RBKS: variants seen among roughly 807,000 people sequenced by gnomAD.
RBKS encodes the protein ribokinase.
A neutral mutation model predicts 33.9 loss-of-function variants in RBKS; 33 were observed. The ratio of observed to expected loss-of-function variants is 0.97; its 90% CI spans 0.74 to 1.30. RBKS has a LOEUF of 1.30. Ranked by LOEUF, RBKS falls within the 50% of genes most tolerant of loss-of-function variation. The pLI, the probability that RBKS is intolerant of heterozygous loss-of-function variation, is 0.00. For synonymous variants in RBKS, 125 were observed against 143.0 expected (o/e 0.87, Z 0.90); for missense variants, 361 against 392.6 (o/e 0.92, Z 0.68).
At chr2:27,868,149 A>G (rs1664135693) in intron 1 of RBKS, among the ~76,000 whole-genome samples, 1 of 152,230 alleles carries the variant, frequency 6.6e-6, no homozygotes, top group African/African-American at 2.4e-5. Flanking sequence ...TAAAGAAATA[A>G]AAACAGATTT....
At chr2:27,858,394 C>A in intron 2 of RBKS, 45 bp downstream of exon 2, 2 of 1,540,886 alleles carry the variant, frequency 1.3e-6, no homozygotes, top group South Asian at 1.2e-5. Flanking sequence ...GTCTTAAAAC[C>A]AGATTCTTAC....
At chr2:27,850,508 A>T (rs1290673315) in intron 2 of RBKS, among the ~76,000 whole-genome samples, 1 of 152,242 alleles carries the variant, frequency 6.6e-6, no homozygotes, top group African/African-American at 2.4e-5. Context: ...AGCCTCTGGC[A>T]ACCACTAATC....
At chr2:27,872,959 T>G (rs1489680583) in intron 1 of RBKS, among the ~76,000 whole-genome samples, 1 of 152,046 alleles carries the variant, frequency 6.6e-6, no homozygotes, top group Non-Finnish European at 1.5e-5. Context: ...AATGAGCAGG[T>G]GCTATACTCG....
chr2:27,789,842 C>T lies in RBKS; in HGVS notation c.796-8054G>A, dbSNP rs866813238. Among the ~76,000 whole-genome samples, 61 of 149,194 alleles carry T rather than the reference C, an allele frequency of 4.1e-4. 1 individual carries two copies. Among genetic ancestry groups the T allele is most frequent in the Admixed American group, 2.9e-3 (43 of 14,898 alleles). The stretch of plus-strand genomic sequence containing the variant: ...CCTCCCAAAGTGCTGGGATTACAGG[C>T]GTGAACCACCATGCCTGGCCAGCTG... On this transcript the variant is annotated intron_variant, in intron 7 of 7. Coordinates refer to ENST00000302188, the MANE Select transcript of RBKS (RefSeq NM_022128.3).
At chr2:27,831,748 C>T (rs938705916) in intron 6 of RBKS, among the ~76,000 whole-genome samples, 1 of 151,956 alleles carries the variant, frequency 6.6e-6, no homozygotes, top group East Asian at 1.9e-4. Flanking sequence ...GGCAACATGG[C>T]GAAATCCCGT....
intron 1 of RBKS, among the ~76,000 whole-genome samples, chr2:27,879,317 G>T (rs1664375843): frequency 6.6e-6 from 1 of 152,126 alleles, no homozygotes; most frequent in Admixed American, 6.5e-5. Flanking sequence ...TCAAATGTTT[G>T]TTCCCTCCTA....
chr2:27,862,653 C>T (rs1240637808), intron 1 of RBKS, among the ~76,000 whole-genome samples: 1 of 152,220 alleles, frequency 6.6e-6, no homozygotes, highest in Non-Finnish European at 1.5e-5. Flanking sequence ...TGTATACGCT[C>T]TTCCTTCTTC....
chr2:27,878,536 A>T (rs1312905026), intron 1 of RBKS, among the ~76,000 whole-genome samples: 1 of 152,132 alleles, frequency 6.6e-6, no homozygotes, highest in South Asian at 2.1e-4. Context: ...AGTCCTTTGG[A>T]TATATACCCA....
At chr2:27,819,284 C>CAG (rs1294999165) in intron 7 of RBKS, among the ~76,000 whole-genome samples, 2 of 151,664 alleles carry the variant, frequency 1.3e-5, no homozygotes, top group South Asian at 2.1e-4. Context: ...TGTGTGCACA[C>CAG]AGAGAGAGAG....
intron 7 of RBKS, among the ~76,000 whole-genome samples, chr2:27,827,217 C>T (rs1176648439): frequency 6.6e-6 from 1 of 152,152 alleles, no homozygotes; most frequent in Non-Finnish European, 1.5e-5. Context: ...TGCTATATCC[C>T]CAGCAACTAT....
rs187524087 is a variant in RBKS, at chr2:27,781,497, A to C, written c.*118T>G. On this transcript the variant is annotated 3_prime_UTR_variant, in exon 8 of 8. Coordinates refer to ENST00000302188, the MANE Select transcript of RBKS (RefSeq NM_022128.3). ...TTGAAGCTTGAGGATGACTTCGTAA[A>C]AGAACTAATATTTGCAAAGAAAGGG... is the stretch of plus-strand genomic sequence containing the variant. 548 of 767,584 alleles carry C rather than the reference A, an allele frequency of 7.1e-4. No homozygotes were observed. Among genetic ancestry groups the C allele is most frequent in the Non-Finnish European group, 7.8e-4 (380 of 487,592 alleles). 47.5% of individuals were successfully genotyped at this position (767,584 alleles called of 1,614,324 possible). A position where few individuals can be genotyped will look rare whatever the true frequency, so the allele number is the denominator to read the frequency against.
intron 7 of RBKS, among the ~76,000 whole-genome samples, chr2:27,808,853 G>A (rs1249408508): frequency 6.6e-6 from 1 of 152,106 alleles, no homozygotes; most frequent in African/African-American, 2.4e-5. Context: ...TCCACCCTCG[G>A]CCCAAGCCTG....
At chr2:27,875,914 A>G (rs956331376) in intron 1 of RBKS, among the ~76,000 whole-genome samples, 1 of 152,196 alleles carries the variant, frequency 6.6e-6, no homozygotes, top group African/African-American at 2.4e-5. Flanking sequence ...GCATAAGAGG[A>G]CATAAAAGAG....
intron 1 of RBKS, among the ~76,000 whole-genome samples, chr2:27,879,259 T>C (rs955555869): frequency 3.9e-5 from 6 of 152,182 alleles, no homozygotes; most frequent in African/African-American, 1.4e-4. Context: ...TCTTTTTGAG[T>C]CTGCCTTCTT....
At chr2:27,802,957 C>G (rs564279603) in intron 7 of RBKS, among the ~76,000 whole-genome samples, 8 of 152,304 alleles carry the variant, frequency 5.3e-5, no homozygotes, top group African/African-American at 1.9e-4. Context: ...CCTAGTTCCA[C>G]AGCTCAAATC....
At chr2:27,786,849 C>G (rs1226430205) in intron 7 of RBKS, among the ~76,000 whole-genome samples, 6 of 151,616 alleles carry the variant, frequency 4.0e-5, no homozygotes, top group African/African-American at 7.3e-5. Context: ...CTTAAAATCA[C>G]TTAAATTCCC....
intron 7 of RBKS, among the ~76,000 whole-genome samples, chr2:27,792,678 G>A (rs962727386): frequency 1.8e-4 from 27 of 152,180 alleles, no homozygotes; most frequent in Admixed American, 4.6e-4. Flanking sequence ...GACTGGGCAC[G>A]TTCACTTCAC....
At chr2:27,865,593 T>G (rs74959993) in intron 1 of RBKS, among the ~76,000 whole-genome samples, 2 of 89,070 alleles carry the variant, frequency 2.2e-5, no homozygotes, top group East Asian at 3.9e-4. Flanking sequence ...TTTTTTTTTT[T>G]GGTAGAGACA....
chr2:27,832,808 T>C (rs1433170204), intron 5 of RBKS, 31 bp from the exon 6 acceptor site: 1 of 1,384,982 alleles, frequency 7.2e-7, no homozygotes, highest in African/African-American at 1.4e-5. Flanking sequence ...GGGTTATTAT[T>C]AGTTTTCATT....
Sources: allele counts gnomAD v4.1 joint callset (sites outside exome capture counted in the v4.1 genomes callset), GRCh38; gene constraint gnomAD v4.1.1; transcripts MANE v1.5; gene names NCBI Gene and HGNC (gene_info 2026-07-23, HGNC 2026-07-21).